Variants in AGBL4 observed in about 807,000 individuals in gnomAD.
AGBL4 encodes the protein AGBL carboxypeptidase 4.
A neutral mutation model predicts 66.4 loss-of-function variants in AGBL4; 58 were observed. The observed-to-expected ratio is 0.87, with a 90% CI of 0.71 to 1.09. The LOEUF (loss-of-function observed/expected upper bound fraction) is 1.09. Among genes scored for constraint, AGBL4 ranks in the 50% least tolerant of loss-of-function variants. AGBL4 has a pLI of 0.00. For synonymous variants in AGBL4, 234 were observed against 222.9 expected (o/e 1.05, Z -0.44); for missense variants, 579 against 631.0 (o/e 0.92, Z 0.88).
chr1:49,787,502 CAA>C (rs201411173), intron 2 of AGBL4, among the ~76,000 whole-genome samples: 18 of 74,436 alleles, frequency 2.4e-4, no homozygotes, highest in East Asian at 3.9e-4. Context: ...GACTCTGTCT[CAA>C]AAAAAAAAAA....
chr1:48,740,253 G>A (rs1649705435), intron 6 of AGBL4, among the ~76,000 whole-genome samples: 2 of 152,206 alleles, frequency 1.3e-5, no homozygotes. Flanking sequence ...AAGGTCACCT[G>A]GAGCAATGTT....
intron 11 of AGBL4, among the ~76,000 whole-genome samples, chr1:48,566,771 C>T (rs1644483276): frequency 6.6e-6 from 1 of 152,180 alleles, no homozygotes; most frequent in African/African-American, 2.4e-5. Context: ...GGCCTTTGTT[C>T]TTGAAAAGTA....
intron 3 of AGBL4, among the ~76,000 whole-genome samples, chr1:49,304,313 G>GT (rs1278218644): frequency 2.2e-4 from 34 of 152,226 alleles, no homozygotes; most frequent in African/African-American, 8.2e-4. Context: ...TCTCTATTCT[G>GT]TTCCATTGGT....
chr1:48,534,964 T>A, intron 12 of AGBL4, 48 bp from the exon 13 acceptor site: 1 of 1,518,002 alleles, frequency 6.6e-7, no homozygotes, highest in South Asian at 1.2e-5. Context: ...TAGGCTCTAG[T>A]AAATGGAAGT....
At chr1:49,329,441 G>A (rs1645287884) in intron 3 of AGBL4, among the ~76,000 whole-genome samples, 1 of 152,124 alleles carries the variant, frequency 6.6e-6, no homozygotes, top group Non-Finnish European at 1.5e-5. Context: ...TGAGGCGGGT[G>A]GATTGCTTGA....
At chr1:49,738,582 G>T (rs954953394) in intron 2 of AGBL4, among the ~76,000 whole-genome samples, 1 of 152,200 alleles carries the variant, frequency 6.6e-6, no homozygotes, top group Non-Finnish European at 1.5e-5. Context: ...TGCAGCTAGA[G>T]ATGTGAGAAA....
chr1:49,130,393 C>G (rs1177768457), intron 4 of AGBL4, among the ~76,000 whole-genome samples: 3 of 152,160 alleles, frequency 2.0e-5, no homozygotes, highest in Non-Finnish European at 4.4e-5. Flanking sequence ...TTGCCCATGC[C>G]TATGTCCTGA....
chr1:49,240,358 T>G (rs1453175594), intron 4 of AGBL4, among the ~76,000 whole-genome samples: 1 of 152,024 alleles, frequency 6.6e-6, no homozygotes, highest in Non-Finnish European at 1.5e-5. Flanking sequence ...TCCAACTCAC[T>G]CCTTCATCCA....
At chr1:49,206,609 T>C (rs966176914) in intron 4 of AGBL4, among the ~76,000 whole-genome samples, 3 of 151,912 alleles carry the variant, frequency 2.0e-5, no homozygotes, top group African/African-American at 7.2e-5. Flanking sequence ...ATGAAGAAAA[T>C]GAAGGTTCTG....
intron 2 of AGBL4, among the ~76,000 whole-genome samples, chr1:49,726,033 G>A (rs1415971434): frequency 6.6e-6 from 1 of 152,076 alleles, no homozygotes; most frequent in African/African-American, 2.4e-5. Context: ...TCTGAGGGCT[G>A]GTGGGGGTTG....
chr1:49,877,300 A>G (rs926206814), intron 1 of AGBL4, among the ~76,000 whole-genome samples: 3 of 151,326 alleles, frequency 2.0e-5, no homozygotes, highest in Non-Finnish European at 4.4e-5. Context: ...TGGGTTTGTC[A>G]TAGATAGCTC....
At chr1:49,680,020 T>C (rs1415106490) in intron 3 of AGBL4, among the ~76,000 whole-genome samples, 1 of 151,580 alleles carries the variant, frequency 6.6e-6, no homozygotes, top group Non-Finnish European at 1.5e-5. Context: ...ATTCATGATG[T>C]TCCAAGATTT....
intron 6 of AGBL4, among the ~76,000 whole-genome samples, chr1:48,716,868 A>G (rs540441763): frequency 1.3e-5 from 2 of 152,372 alleles, no homozygotes; most frequent in Admixed American, 1.3e-4. Flanking sequence ...CCTGCCTTCA[A>G]TAAAAAGTCA....
At chr1:49,161,384 A>G (rs1646539113) in intron 4 of AGBL4, among the ~76,000 whole-genome samples, 1 of 152,108 alleles carries the variant, frequency 6.6e-6, no homozygotes, top group Non-Finnish European at 1.5e-5. Context: ...GACTGCAACC[A>G]CTGTCCAACC....
chr1:49,000,075 A>G (rs1661293973), intron 5 of AGBL4, among the ~76,000 whole-genome samples: 2 of 152,080 alleles, frequency 1.3e-5, no homozygotes, highest in East Asian at 3.9e-4. Flanking sequence ...CTATGTGCAA[A>G]ATACTAAGTG....
intron 2 of AGBL4, among the ~76,000 whole-genome samples, chr1:49,769,108 A>T (rs1300583386): frequency 6.6e-6 from 1 of 152,120 alleles, no homozygotes; most frequent in Non-Finnish European, 1.5e-5. Context: ...CGGCCTCCCA[A>T]AGTGGTGGGA....
intron 6 of AGBL4, among the ~76,000 whole-genome samples, chr1:48,840,040 C>T (rs947439956): frequency 1.3e-5 from 2 of 151,964 alleles, no homozygotes; most frequent in Admixed American, 6.6e-5. Flanking sequence ...TGCTCTTTGC[C>T]GATTTAGGAG....
chr1:49,749,969 A>G (rs1651319715), intron 2 of AGBL4, among the ~76,000 whole-genome samples: 1 of 152,194 alleles, frequency 6.6e-6, no homozygotes, highest in Non-Finnish European at 1.5e-5. Flanking sequence ...CTATACATGT[A>G]TGTATGAAAC....
intron 2 of AGBL4, among the ~76,000 whole-genome samples, chr1:49,834,823 T>C (rs1645802695): frequency 6.6e-6 from 1 of 152,212 alleles, no homozygotes; most frequent in Non-Finnish European, 1.5e-5. Flanking sequence ...CTTAATTTCA[T>C]TATTTACTCA....
Sources: allele counts gnomAD v4.1 joint callset (sites outside exome capture counted in the v4.1 genomes callset), GRCh38; gene constraint gnomAD v4.1.1; transcripts MANE v1.5; gene names NCBI Gene and HGNC (gene_info 2026-07-23, HGNC 2026-07-21).